Variants in TRIM51G observed in about 807,000 individuals in gnomAD.
TRIM51G encodes the protein tripartite motif-containing protein 51G.
chr11:48,975,805 C>T, the TRIM51G span: 1 of 1,509,028 alleles, frequency 6.6e-7, no homozygotes. Context: ...AGCCCAATTC[C>T]AAGAGTGCCC....
the TRIM51G span, among the ~76,000 whole-genome samples, chr11:48,982,964 T>C: frequency 3.9e-5 from 1 of 25,454 alleles, no homozygotes; most frequent in African/African-American, 6.4e-5. Context: ...TACATATATA[T>C]ATATATATAT....
the TRIM51G span, chr11:48,981,523 G>C: frequency 6.2e-7 from 1 of 1,604,232 alleles, no homozygotes; most frequent in Non-Finnish European, 8.5e-7. Context: ...CTGCCGTGTT[G>C]TCTTCTTGCA....
chr11:48,975,944 C>T, the TRIM51G span: 43 of 729,946 alleles, frequency 5.9e-5, no homozygotes, highest in Non-Finnish European at 1.0e-4. Flanking sequence ...CTTCTCAAAT[C>T]TCCATGCAGG....
the TRIM51G span, among the ~76,000 whole-genome samples, chr11:48,982,301 C>A: frequency 1.3e-5 from 2 of 152,182 alleles, no homozygotes; most frequent in South Asian, 4.1e-4. Context: ...AAATTAACTT[C>A]TTCTTTGGGC....
the TRIM51G span, chr11:48,975,524 G>T: frequency 7.2e-7 from 1 of 1,394,516 alleles, no homozygotes; most frequent in South Asian, 1.2e-5. Flanking sequence ...CAAATGATAG[G>T]CCAGAGAGGA....
At chr11:48,981,518 G>C in the TRIM51G span, 3 of 1,604,404 alleles carry the variant, frequency 1.9e-6, no homozygotes, top group East Asian at 4.5e-5. Context: ...TTTCTCTGCC[G>C]TGTTGTCTTC....
the TRIM51G span, chr11:48,981,324 G>T: frequency 1.0e-5 from 16 of 1,606,516 alleles, no homozygotes; most frequent in East Asian, 3.6e-4. Flanking sequence ...GACAGTGTCT[G>T]TGATTCCGGT....
the TRIM51G span, among the ~76,000 whole-genome samples, chr11:48,977,378 C>T: frequency 6.6e-6 from 1 of 152,142 alleles, no homozygotes; most frequent in Non-Finnish European, 1.5e-5. Context: ...GTCTATCTGA[C>T]TGAGAATTTA....
the TRIM51G span, chr11:48,977,005 A>G: frequency 4.7e-6 from 3 of 635,658 alleles, no homozygotes; most frequent in Middle Eastern, 2.5e-4. Context: ...TAAAGATTTG[A>G]CGAAGGGTAA....
chr11:48,977,116 A>G, the TRIM51G span: 16 of 1,256,894 alleles, frequency 1.3e-5, no homozygotes, highest in African/African-American at 2.0e-4. Flanking sequence ...CCATCAGTCC[A>G]ATGATGGGCC....
chr11:48,977,036 A>T, the TRIM51G span: 1 of 717,688 alleles, frequency 1.4e-6, no homozygotes, highest in Non-Finnish European at 2.6e-6. Context: ...CCATGATTCT[A>T]ACAAGAAGTA....
At chr11:48,981,390 C>T in the TRIM51G span, 4 of 1,607,772 alleles carry the variant, frequency 2.5e-6, no homozygotes, top group Non-Finnish European at 3.4e-6. Flanking sequence ...CTTCACAGAA[C>T]ATCTCCTTTG....
chr11:48,981,544 T>G, the TRIM51G span: 1 of 1,602,568 alleles, frequency 6.2e-7, no homozygotes. Flanking sequence ...TTTAGAGCAC[T>G]GAGCAAGAAC....
the TRIM51G span, among the ~76,000 whole-genome samples, chr11:48,982,323 T>C: frequency 3.3e-5 from 5 of 152,250 alleles, no homozygotes; most frequent in African/African-American, 1.2e-4. Context: ...ACTCAAACTA[T>C]GAACTGACAT....
chr11:48,981,947 T>C, the TRIM51G span, among the ~76,000 whole-genome samples: 1 of 152,246 alleles, frequency 6.6e-6, no homozygotes, highest in East Asian at 1.9e-4. Flanking sequence ...ATAATGCAAA[T>C]CTGTTCAAAA....
At chr11:48,978,982 GA>G in the TRIM51G span, 6 of 1,516,076 alleles carry the variant, frequency 4.0e-6, no homozygotes, top group Non-Finnish European at 3.7e-6. Flanking sequence ...TTGAGTTGCT[GA>G]AAAATGTCCT....
At chr11:48,975,640 G>A in the TRIM51G span, 1 of 1,415,480 alleles carries the variant, frequency 7.1e-7, no homozygotes, top group Non-Finnish European at 1.0e-6. Flanking sequence ...TACTGTGTCT[G>A]TAGGTCTTGG....
At chr11:48,975,860 C>T in the TRIM51G span, 3 of 991,228 alleles carry the variant, frequency 3.0e-6, no homozygotes, top group East Asian at 4.8e-5. Flanking sequence ...AAAAAATCAG[C>T]CCCCCATTGA....
chr11:48,977,231 T>C, the TRIM51G span: 5 of 803,998 alleles, frequency 6.2e-6, no homozygotes, highest in African/African-American at 6.7e-5. Flanking sequence ...AAAAAATACA[T>C]AAGAATCACC....
Sources: gnomAD v4.1 joint callset for allele counts (sites outside exome capture counted in the v4.1 genomes callset) on GRCh38, gnomAD v4.1.1 for gene constraint, MANE v1.5 for transcripts, NCBI Gene and HGNC (gene_info 2026-07-23, HGNC 2026-07-21) for gene names.